Variants in LRP2 observed in about 807,000 individuals in gnomAD.
LRP2 encodes the protein LDL receptor related protein 2, also known as low-density lipoprotein receptor-related protein 2.
Under a neutral mutation model 531.0 loss-of-function variants are expected in LRP2, and 172 were observed. The observed-to-expected ratio is 0.32, with a 90% CI of 0.29 to 0.37. The LOEUF (loss-of-function observed/expected upper bound fraction) is 0.37. LRP2 is among the 10% of genes least tolerant of loss of function. LRP2 has a pLI of 1.00. For synonymous variants in LRP2, 1,992 were observed against 2,027.6 expected, an observed-to-expected ratio of 0.98 and a Z score of 0.47; for missense variants, 5,167 against 5,868.3, an observed-to-expected ratio of 0.88 and a Z score of 3.90.
chr2:169,310,112 G>A (rs960508746), intron 3 of LRP2, among the ~76,000 whole-genome samples: 2 of 152,180 alleles, frequency 1.3e-5, no homozygotes, highest in African/African-American at 4.8e-5. Context: ...ATCAGCTTAA[G>A]GAGATTTTGG....
chr2:169,257,806 A>G lies in LRP2; in HGVS notation c.2514-557T>C, dbSNP rs150216210. 6.4e-3 allele frequency among the ~76,000 whole-genome samples: 911 copies of G among 142,512 alleles called. 12 individuals are homozygous for G. Among genetic ancestry groups the G allele is most frequent in the African/African-American group, 0.021 (775 of 37,612 alleles). 93.5% of individuals were successfully genotyped at this position (142,512 alleles called of 152,430 possible). A position where few individuals can be genotyped will look rare whatever the true frequency, so the allele number is the denominator to read the frequency against. On this transcript the variant is annotated intron_variant, in intron 17 of 78. Coordinates refer to ENST00000649046, the MANE Select transcript of LRP2 (RefSeq NM_004525.3). ...AAGAGTGGGAAAAAGATAAGTCTAGAGGCAAAAAAAAACAAAAACAAAAAA... is the reference window on the plus strand; with the variant it reads ...AAGAGTGGGAAAAAGATAAGTCTAGGGGCAAAAAAAAACAAAAACAAAAAA...
At chr2:169,177,398 C>T (rs138164555) in intron 53 of LRP2, among the ~76,000 whole-genome samples, 63 of 152,296 alleles carry the variant, frequency 4.1e-4, no homozygotes, top group African/African-American at 1.1e-3. Flanking sequence ...CTAATTTATA[C>T]ACAATACAAT....
intron 61 of LRP2, among the ~76,000 whole-genome samples, chr2:169,168,023 A>ATATATATATATATATATATATATT (rs1250323812): frequency 9.1e-6 from 1 of 109,336 alleles, no homozygotes; most frequent in East Asian, 2.3e-4. Context: ...TTTAAAATAT[A>ATATATATATATATATATATATATT]TATATATATA....
Position 169,241,230 on chromosome 2 carries a change from G to A in LRP2, c.3803C>T (p.Pro1268Leu), listed in dbSNP as rs757744692. The A allele has an allele frequency of 6.2e-7, 1 of 1,614,156 alleles. No homozygotes were observed. The highest frequency in any genetic ancestry group is 1.1e-5 in the South Asian group (1 of 91,072). Residue 1268 changes from proline (P) to leucine (L), a missense_variant, in exon 25 of 79, where the codon CCC becomes CTC. Physicochemically the swap from Pro to Leu is moderately conservative, Grantham distance 98 (BLOSUM62 -3). This residue lies in a region of LRP2 where 2,811 missense variants were observed against 3,058.0 expected (regional missense o/e 0.92). Transcript: ENST00000649046. Reference protein sequence around the residue: ...YGSDEHNACVPKTCPSSYFHC... With the variant: ...YGSDEHNACVLKTCPSSYFHC... ...GAAATATGATGAAGGGCAAGTCTTGGGGACACAGGCATTGTGCTCATCAGA... is the reference window on the plus strand; with the variant it reads ...GAAATATGATGAAGGGCAAGTCTTGAGGACACAGGCATTGTGCTCATCAGA...
chr2:169,226,336 G>A, intron 32 of LRP2, 86 bp downstream of exon 32: 1 of 1,104,998 alleles, frequency 9.0e-7, no homozygotes, highest in Non-Finnish European at 1.4e-6. Context: ...TTACTCACAT[G>A]ACAAAAGTTT....
In LRP2 at chr2:169,202,013, G is replaced by A. The variant is rs138246163; in HGVS notation, c.8210-143C>T. 9.2e-3 allele frequency: 9,122 copies of A among 987,318 alleles called. 56 individuals carry two copies. The highest frequency in any genetic ancestry group is 0.022 in the Middle Eastern group (86 of 3,932). The allele number at this position is 987,318 out of a possible 1,614,324, so 61.2% of individuals were successfully genotyped here. ...CTGCAAAATGGACTGCATGCAAAGT[G>A]AGATAACACTTTTAATTAGTTAGAT... On this transcript the variant is annotated intron_variant, in intron 43 of 78. Transcript: ENST00000649046.
intron 31 of LRP2, among the ~76,000 whole-genome samples, chr2:169,229,724 T>C (rs1689332864): frequency 6.6e-6 from 1 of 152,214 alleles, no homozygotes. Context: ...CTATTGGCAC[T>C]TGTGTGTTTT....
At chr2:169,174,231 A>G in intron 55 of LRP2, 67 bp from the exon 56 acceptor site, 2 of 1,599,086 alleles carry the variant, frequency 1.3e-6, no homozygotes, top group African/African-American at 1.3e-5. Context: ...AATTGACATC[A>G]GTGAATCCTG....
intron 1 of LRP2, among the ~76,000 whole-genome samples, chr2:169,327,871 C>A (rs868546782): frequency 6.1e-4 from 1 of 1,630 alleles, no homozygotes; most frequent in African/African-American, 1.5e-3. Flanking sequence ...CCGCCCCGTC[C>A]GGGAAGGGAG....
intron 1 of LRP2, among the ~76,000 whole-genome samples, chr2:169,340,569 T>G (rs1350237542): frequency 6.6e-6 from 1 of 152,180 alleles, no homozygotes; most frequent in East Asian, 1.9e-4. Flanking sequence ...TCCTCCTTTC[T>G]CCTTCTGCAA....
intron 1 of LRP2, among the ~76,000 whole-genome samples, chr2:169,324,560 C>G (rs1200576943): frequency 6.7e-6 from 1 of 150,350 alleles, no homozygotes; most frequent in Admixed American, 6.7e-5. Flanking sequence ...GTTTTGAAAT[C>G]GGTAGTAAAA....
chr2:169,201,089 C>A (rs1454792622), intron 44 of LRP2, among the ~76,000 whole-genome samples: 1 of 152,162 alleles, frequency 6.6e-6, no homozygotes, highest in Admixed American at 6.5e-5. Context: ...TTAAATGGAT[C>A]AATTATGCAA....
rs141787705 is a variant in LRP2, at chr2:169,247,443, G to A, written c.2843C>T (p.Thr948Ile). Residue 948 changes from threonine to isoleucine, a missense_variant, in exon 20 of 79, where the codon ACA becomes ATA. This residue lies in a region of LRP2 where 2,811 missense variants were observed against 3,058.0 expected (regional missense o/e 0.92). Coordinates refer to ENST00000649046, the MANE Select transcript of LRP2 (RefSeq NM_004525.3). Reference sequence around the variant, plus strand: ...GTAAGCAATGCCACTTCGGATAACTGTCATTTCTCCACCATCTGCTTTCCT... The same window carrying A: ...GTAAGCAATGCCACTTCGGATAACTATCATTTCTCCACCATCTGCTTTCCT... ...RVRKADGGEM[T>I]VIRSGIAYIL... is the part of the protein sequence containing the mutation. 1.4e-5 allele frequency: 23 copies of A among 1,614,024 alleles called. No homozygotes were observed. In the East Asian group the frequency reaches 4.5e-4, roughly 31 times the overall value.
At chr2:169,332,970 G>A (rs1481143979) in intron 1 of LRP2, among the ~76,000 whole-genome samples, 1 of 152,070 alleles carries the variant, frequency 6.6e-6, no homozygotes, top group Non-Finnish European at 1.5e-5. Flanking sequence ...ATTTAGTGAT[G>A]GGCATGTATG....
intron 14 of LRP2, 127 bp from the exon 15 acceptor site, chr2:169,273,194 C>T: frequency 9.4e-7 from 1 of 1,062,706 alleles, no homozygotes; most frequent in Non-Finnish European, 1.4e-6. Flanking sequence ...GTGTTGAAAA[C>T]ATTACTACTG....
rs1466787909 is a variant in LRP2, at chr2:169,246,745, A to G, written c.3150T>C (p.Asp1050=). ...GTTGCTCATCACTGTTATCATGACA[A>G]TCATCGACTCCATCACAGAGATAGT... The part of the protein sequence containing the change: ...PNYYLCDGVD[D]CHDNSDEQLC... Residue 1050 remains aspartate (D), a synonymous_variant, in exon 21 of 79, where the codon GAT becomes GAC. Transcript: ENST00000649046. 2 of 1,614,212 alleles carry G rather than the reference A, an allele frequency of 1.2e-6. No homozygotes were observed. Among genetic ancestry groups the G allele is most frequent in the Non-Finnish European group, 1.7e-6 (2 of 1,180,034 alleles).
rs1387815998 is a variant in LRP2, at chr2:169,292,320, G to A, written c.702C>T (p.Cys234=). The part of the protein sequence containing the change: ...GYQFTCPSGR[C]IYQNWVCDGE... ...CATCACAAACCCAGTTTTGATAAAT[G>A]CATCGGCCACTGGGGCAAGTGAACT... is the stretch of plus-strand genomic sequence containing the variant. Residue 234 remains cysteine, a synonymous_variant, in exon 7 of 79, where the codon TGC becomes TGT. Transcript: ENST00000649046. 1 of 1,614,052 alleles carries A rather than the reference G, an allele frequency of 6.2e-7. No homozygotes were observed. Among genetic ancestry groups the A allele is most frequent in the South Asian group, 1.1e-5 (1 of 91,080 alleles).
intron 1 of LRP2, among the ~76,000 whole-genome samples, chr2:169,324,730 A>G (rs1684999744): frequency 6.6e-6 from 1 of 152,082 alleles, no homozygotes; most frequent in African/African-American, 2.4e-5. Context: ...AAGATATTAG[A>G]GTAACAGATA....
intron 1 of LRP2, among the ~76,000 whole-genome samples, chr2:169,358,913 A>G (rs974161020): frequency 7.3e-5 from 11 of 151,014 alleles, no homozygotes; most frequent in South Asian, 2.1e-4. Context: ...AAAAAAAAAA[A>G]AAAGAAAAAA....
Sources: allele counts gnomAD v4.1 joint callset (sites outside exome capture counted in the v4.1 genomes callset), GRCh38; gene constraint gnomAD v4.1.1; regional missense constraint gnomAD v4.1.1; transcripts MANE v1.5; gene names NCBI Gene and HGNC (gene_info 2026-07-23, HGNC 2026-07-21).